The following KALRN variants were observed in gnomAD, a reference collection of about 807,000 sequenced individuals.
KALRN encodes kalirin.
In KALRN, 70 loss-of-function variants were observed where a neutral mutation model predicts 353.7. The observed-to-expected ratio is 0.20, with a 90% CI of 0.16 to 0.24. The LOEUF is 0.24. Among genes scored for constraint, KALRN ranks in the 10% least tolerant of loss-of-function variants. The pLI, the probability that KALRN is intolerant of heterozygous loss-of-function variation, is 1.00. For missense variants in KALRN, 2,791 were observed against 3,756.7 expected (o/e 0.74, Z 6.72); for synonymous variants, 1,391 against 1,434.8 (o/e 0.97, Z 0.69).
chr3:124,235,089 AT>A (rs2079592320), intron 3 of KALRN, 146 bp downstream of exon 3: 1 of 630,596 alleles, frequency 1.6e-6, no homozygotes, highest in Admixed American at 2.7e-5. Flanking sequence ...ACCATTGTCC[AT>A]TGTCTGCCTC....
chr3:124,175,126 G>A (rs1037140625), intron 1 of KALRN, among the ~76,000 whole-genome samples: 7 of 152,264 alleles, frequency 4.6e-5, no homozygotes, highest in Non-Finnish European at 7.3e-5. Context: ...GCCCACGTGT[G>A]CATCCAGGAG....
intron 3 of KALRN, among the ~76,000 whole-genome samples, chr3:124,236,632 A>T (rs1011263253): frequency 6.6e-6 from 1 of 152,196 alleles, no homozygotes; most frequent in South Asian, 2.1e-4. Flanking sequence ...TTTCTTTAGA[A>T]TAAAGAGGGA....
In KALRN at chr3:124,330,246, T is replaced by TCTCACA. The variant is rs1421313474; in HGVS notation, c.1416+255_1416+256insTCACAC. 7.5e-3 allele frequency among the ~76,000 whole-genome samples: 1,011 copies of TCTCACA among 134,362 alleles called. 8 individuals are homozygous for TCTCACA. The highest frequency in any genetic ancestry group is 0.012 in the Middle Eastern group (3 of 258). The allele number at this position is 134,362 out of a possible 152,430, so 88.1% of individuals were successfully genotyped here. A position where few individuals can be genotyped will look rare whatever the true frequency, so the allele number is the denominator to read the frequency against. On this transcript the variant is annotated intron_variant, in intron 8 of 59. Coordinates refer to ENST00000682506, the MANE Select transcript of KALRN (RefSeq NM_001388419.1). ...CGCATTCATTCTCTCTCTCTCTCTC[T>TCTCACA]CACACACACACACACACACACACAC...
intron 33 of KALRN, among the ~76,000 whole-genome samples, chr3:124,498,172 T>C (rs893771331): frequency 1.3e-5 from 2 of 152,212 alleles, no homozygotes; most frequent in Non-Finnish European, 2.9e-5. Context: ...AGTCAAAGCG[T>C]TGAATTCCTG....
At chr3:124,239,404 A>T (rs62262788) in intron 3 of KALRN, among the ~76,000 whole-genome samples, 1,558 of 152,212 alleles carry the variant, frequency 0.01, 44 homozygotes, top group Admixed American at 0.049. Flanking sequence ...CTTTGTCACG[A>T]CCTTCTTTCT....
intron 57 of KALRN, among the ~76,000 whole-genome samples, chr3:124,705,047 A>G (rs2062531625): frequency 6.6e-6 from 1 of 152,222 alleles, no homozygotes; most frequent in African/African-American, 2.4e-5. Context: ...CAGCACATCC[A>G]TAGAAGGAAA....
At chr3:124,489,356 T>C (rs1428165402) in intron 29 of KALRN, among the ~76,000 whole-genome samples, 1 of 152,112 alleles carries the variant, frequency 6.6e-6, no homozygotes, top group East Asian at 1.9e-4. Flanking sequence ...TAATGGGTGC[T>C]AAAGGAAATG....
intron 34 of KALRN, among the ~76,000 whole-genome samples, chr3:124,604,098 A>G (rs1236354531): frequency 6.6e-6 from 1 of 151,892 alleles, no homozygotes; most frequent in Non-Finnish European, 1.5e-5. Context: ...AAACCCCCAC[A>G]AAGTAAGAAC....
chr3:124,269,694 A>T lies in KALRN; in HGVS notation c.969+439A>T, dbSNP rs542222454. On this transcript the variant is annotated intron_variant, in intron 5 of 59. Transcript: ENST00000682506. ...GTTAACAGCCACTATAATATTAATTAGTGATTATGGCCCTGCAATGTATTT... is the reference window on the plus strand; with the variant it reads ...GTTAACAGCCACTATAATATTAATTTGTGATTATGGCCCTGCAATGTATTT... Among the ~76,000 whole-genome samples, 12 of 152,344 alleles carry T rather than the reference A, an allele frequency of 7.9e-5. No individual in the cohort carries two copies. In the South Asian group the frequency reaches 2.5e-3, roughly 32 times the overall value.
chr3:124,254,212 A>G (rs1030961286), intron 3 of KALRN, among the ~76,000 whole-genome samples: 6 of 152,124 alleles, frequency 3.9e-5, no homozygotes, highest in Admixed American at 3.9e-4. Flanking sequence ...TGTCACTTCC[A>G]GAGTTCTCAT....
chr3:124,661,092 A>G, intron 44 of KALRN, 119 bp downstream of exon 44: 2 of 771,486 alleles, frequency 2.6e-6, no homozygotes, highest in Admixed American at 3.9e-5. Flanking sequence ...CTCAGACAGT[A>G]AGAGGCTCTT....
At chr3:124,414,654 C>T (rs929590260) in intron 14 of KALRN, among the ~76,000 whole-genome samples, 1 of 152,150 alleles carries the variant, frequency 6.6e-6, no homozygotes, top group Non-Finnish European at 1.5e-5. Flanking sequence ...GAGAGAGCAC[C>T]ATGGTGATCT....
intron 33 of KALRN, among the ~76,000 whole-genome samples, chr3:124,558,725 A>C (rs2071574443): frequency 6.6e-6 from 1 of 152,274 alleles, no homozygotes; most frequent in African/African-American, 2.4e-5. Flanking sequence ...AAATTGAGAC[A>C]AAGAGGTGAA....
At chr3:124,326,899 C>A (rs1193862649) in intron 7 of KALRN, among the ~76,000 whole-genome samples, 1 of 152,192 alleles carries the variant, frequency 6.6e-6, no homozygotes, top group Non-Finnish European at 1.5e-5. Flanking sequence ...ACTCAAAATT[C>A]ATCACTTCCT....
chr3:124,090,151 G>A (rs2061032443), intron 1 of KALRN, among the ~76,000 whole-genome samples: 1 of 152,018 alleles, frequency 6.6e-6, no homozygotes, highest in Non-Finnish European at 1.5e-5. Context: ...GAGATTCAGT[G>A]CAACATGGGG....
chr3:124,326,111 C>T lies in KALRN; in HGVS notation c.1224C>T (p.Ala408=), dbSNP rs779590985. 8 of 1,613,734 alleles carry T rather than the reference C, an allele frequency of 5.0e-6. No individual in the cohort carries two copies. Among genetic ancestry groups the T allele is most frequent in the Non-Finnish European group, 6.8e-6 (8 of 1,179,846 alleles). ...LDQEWKSFAA[A]LDERSTILAM... ...AGGAGTGGAAGAGCTTCGCTGCTGC[C>T]CTGGATGAACGCAGCACCATCCTCG... Residue 408 remains alanine, a synonymous_variant, in exon 7 of 60, where the codon GCC becomes GCT. Coordinates refer to ENST00000682506, the MANE Select transcript of KALRN (RefSeq NM_001388419.1).
intron 8 of KALRN, among the ~76,000 whole-genome samples, chr3:124,330,222 G>A (rs527325258): frequency 1.2e-4 from 17 of 145,200 alleles, no homozygotes; most frequent in East Asian, 6.2e-4. Context: ...TGGTGCACTC[G>A]CATTCATTCT....
intron 33 of KALRN, among the ~76,000 whole-genome samples, chr3:124,552,126 G>A (rs975794875): frequency 6.6e-6 from 1 of 152,216 alleles, no homozygotes; most frequent in Non-Finnish European, 1.5e-5. Context: ...TCTGCCTGAG[G>A]ATGAAAAATT....
chr3:124,433,977 T>C (rs2093378399), intron 16 of KALRN, among the ~76,000 whole-genome samples: 1 of 152,208 alleles, frequency 6.6e-6, no homozygotes, highest in Admixed American at 6.5e-5. Context: ...AAAGGAAATT[T>C]ATGAACCAAT....
Sources: gnomAD v4.1 joint callset for allele counts (sites outside exome capture counted in the v4.1 genomes callset) on GRCh38, gnomAD v4.1.1 for gene constraint, MANE v1.5 for transcripts, NCBI Gene and HGNC (gene_info 2026-07-23, HGNC 2026-07-21) for gene names.